GSK3B: variants seen among roughly 807,000 people sequenced by gnomAD.
The protein encoded by GSK3B is glycogen synthase kinase 3 beta.
In GSK3B, 15 loss-of-function variants were observed where a neutral mutation model predicts 56.4. The ratio of observed to expected loss-of-function variants is 0.27; its 90% CI spans 0.18 to 0.41. GSK3B has a LOEUF of 0.41. Ranked by LOEUF, GSK3B falls within the 10% of genes least tolerant of loss-of-function variation. The pLI is 1.00. For synonymous variants in GSK3B, 181 were observed against 188.9 expected, an observed-to-expected ratio of 0.96 and a Z score of 0.34; for missense variants, 300 against 513.4, an observed-to-expected ratio of 0.58 and a Z score of 4.02.
At chr3:119,955,649 T>G (rs2057206532) in intron 2 of GSK3B, among the ~76,000 whole-genome samples, 1 of 151,350 alleles carries the variant, frequency 6.6e-6, no homozygotes, top group Non-Finnish European at 1.5e-5. Flanking sequence ...TGCTTTTGTT[T>G]TTGTTGTTGT....
chr3:119,901,414 A>T (rs1336933881), intron 7 of GSK3B, among the ~76,000 whole-genome samples: 1 of 152,220 alleles, frequency 6.6e-6, no homozygotes, highest in African/African-American at 2.4e-5. Context: ...ATGCTTAGAA[A>T]TGATTTTCCA....
intron 1 of GSK3B, among the ~76,000 whole-genome samples, chr3:120,016,316 A>T (rs1449870476): frequency 6.6e-6 from 1 of 152,188 alleles, no homozygotes; most frequent in Non-Finnish European, 1.5e-5. Flanking sequence ...AGGTCCAGCT[A>T]CCACACTTGA....
chr3:119,947,438 C>T lies in GSK3B; in HGVS notation c.283-87G>A. 7 of 853,376 alleles carry T rather than the reference C, an allele frequency of 8.2e-6. No individual in the cohort carries two copies. The South Asian group carries it at 1.0e-4, about 12-fold the overall frequency. 52.9% of individuals were successfully genotyped at this position (853,376 alleles called of 1,614,324 possible). On this transcript the variant is annotated intron_variant, in intron 2 of 10. Coordinates refer to ENST00000264235, the MANE Select transcript of GSK3B (RefSeq NM_001146156.2). ...AAGATGCTTCTGAAATAACATTAAG[C>T]ACTAAAATTAGCAAGCTATAGATAT... is the stretch of plus-strand genomic sequence containing the variant.
chr3:120,030,723 A>G (rs948895619), intron 1 of GSK3B, among the ~76,000 whole-genome samples: 3 of 152,186 alleles, frequency 2.0e-5, no homozygotes, highest in Non-Finnish European at 4.4e-5. Context: ...CTTCTCTAGG[A>G]CAATCCAATC....
rs541771984 is a variant in GSK3B, at chr3:120,087,695, T to G, written c.88+5652A>C. 1.4e-3 allele frequency among the ~76,000 whole-genome samples: 217 copies of G among 152,256 alleles called. 1 individual carries two copies. The highest frequency in any genetic ancestry group is 7.3e-3 in the South Asian group (35 of 4,816). On this transcript the variant is annotated intron_variant, in intron 1 of 10. Transcript: ENST00000264235. The stretch of plus-strand genomic sequence containing the variant: ...AAAAGTTGGTTTGACAAAACTAGTT[T>G]CAAGACAAATACATCATTACTTCAA...
At chr3:119,948,488 T>C (rs1209839889) in intron 2 of GSK3B, among the ~76,000 whole-genome samples, 1 of 152,234 alleles carries the variant, frequency 6.6e-6, no homozygotes, top group Non-Finnish European at 1.5e-5. Context: ...ATTCCATTAC[T>C]TGTTAGTAAA....
chr3:120,037,437 A>G (rs1426132897), intron 1 of GSK3B, among the ~76,000 whole-genome samples: 1 of 152,224 alleles, frequency 6.6e-6, no homozygotes, highest in African/African-American at 2.4e-5. Context: ...CTGAAGACAC[A>G]TTATCCCGAA....
At chr3:119,966,930 G>A (rs942751751) in intron 2 of GSK3B, among the ~76,000 whole-genome samples, 1 of 152,100 alleles carries the variant, frequency 6.6e-6, no homozygotes, top group African/African-American at 2.4e-5. Context: ...ACAAATGAAT[G>A]TAAGACTTAT....
chr3:119,978,699 G>A (rs975074042), intron 2 of GSK3B, among the ~76,000 whole-genome samples: 4 of 150,844 alleles, frequency 2.7e-5, no homozygotes, highest in Admixed American at 2.0e-4. Context: ...TCTCTCCCTC[G>A]TGCGGCTGCA....
At chr3:120,069,714 A>T (rs1393564894) in intron 1 of GSK3B, among the ~76,000 whole-genome samples, 2 of 152,038 alleles carry the variant, frequency 1.3e-5, no homozygotes, top group Admixed American at 1.3e-4. Flanking sequence ...CAAACATCAC[A>T]TCTATTGAAA....
chr3:120,015,649 C>CAAAAAAA (rs61520236), intron 1 of GSK3B, among the ~76,000 whole-genome samples: 2 of 46,948 alleles, frequency 4.3e-5, no homozygotes, highest in Non-Finnish European at 8.0e-5. Context: ...GACTCTGTCT[C>CAAAAAAA]AAAAAAAAAA....
At chr3:119,988,157 C>T (rs2057533576) in intron 2 of GSK3B, among the ~76,000 whole-genome samples, 1 of 152,150 alleles carries the variant, frequency 6.6e-6, no homozygotes, top group South Asian at 2.1e-4. Context: ...ACGTTCAGGA[C>T]TTTTGAAGAG....
intron 7 of GSK3B, among the ~76,000 whole-genome samples, chr3:119,893,509 T>A (rs901937552): frequency 6.6e-6 from 1 of 151,956 alleles, no homozygotes; most frequent in Non-Finnish European, 1.5e-5. Flanking sequence ...GCAATATGAG[T>A]CTTAAAGCCC....
chr3:119,888,526 G>A (rs1245320069), intron 7 of GSK3B, among the ~76,000 whole-genome samples: 3 of 152,066 alleles, frequency 2.0e-5, no homozygotes, highest in South Asian at 2.1e-4. Context: ...AGCTGAGGAT[G>A]TACGTCACCT....
At chr3:120,046,181 A>G (rs1264545916) in intron 1 of GSK3B, among the ~76,000 whole-genome samples, 1 of 152,180 alleles carries the variant, frequency 6.6e-6, no homozygotes, top group East Asian at 1.9e-4. Context: ...TGACACTGTA[A>G]TCGTGGATAC....
intron 8 of GSK3B, among the ~76,000 whole-genome samples, chr3:119,875,785 G>GA (rs895498680): frequency 1.2e-4 from 18 of 146,976 alleles, no homozygotes; most frequent in East Asian, 9.9e-4. Flanking sequence ...AATACCAAAG[G>GA]AAAAAAAAAA....
chr3:120,093,402 C>G lies in GSK3B; in HGVS notation c.33G>C (p.Ala11=). 1 of 1,613,792 alleles carries G rather than the reference C, an allele frequency of 6.2e-7. No homozygotes were observed. Among genetic ancestry groups the G allele is most frequent in the East Asian group, 2.2e-5 (1 of 44,884 alleles). Residue 11 remains alanine (A), a synonymous_variant, in exon 1 of 11, where the codon GCG becomes GCC. Coordinates refer to ENST00000264235, the MANE Select transcript of GSK3B (RefSeq NM_001146156.2). MSGRPRTTSF[A]ESCKPVQQPS... is the part of the protein sequence containing the mutation. ...GCTGCTGCACCGGCTTGCAGCTCTCCGCAAAGGAGGTGGTTCTGGGCCGCC... is the reference window on the plus strand; with the variant it reads ...GCTGCTGCACCGGCTTGCAGCTCTCGGCAAAGGAGGTGGTTCTGGGCCGCC...
chr3:120,055,141 A>G (rs1170252279), intron 1 of GSK3B, among the ~76,000 whole-genome samples: 1 of 152,186 alleles, frequency 6.6e-6, no homozygotes, highest in African/African-American at 2.4e-5. Context: ...AATACTTATC[A>G]CAGAACATGT....
chr3:119,833,995 G>A (rs903747129), intron 10 of GSK3B, among the ~76,000 whole-genome samples: 10 of 151,988 alleles, frequency 6.6e-5, no homozygotes, highest in Admixed American at 6.6e-5. Flanking sequence ...ACTGCACCCC[G>A]CCAGGTATAT....
Sources: gnomAD v4.1 joint callset for allele counts (sites outside exome capture counted in the v4.1 genomes callset) on GRCh38, gnomAD v4.1.1 for gene constraint, MANE v1.5 for transcripts, NCBI Gene and HGNC (gene_info 2026-07-23, HGNC 2026-07-21) for gene names.